Variants in SRPK2 observed in about 807,000 individuals in gnomAD.
SRPK2 encodes SRSF protein kinase 2.
In SRPK2, 21 loss-of-function variants were observed where a neutral mutation model predicts 90.8. That is an observed-to-expected ratio of 0.23 (90% CI 0.16 to 0.33). The LOEUF is 0.33. SRPK2 is among the 10% of genes least tolerant of loss of function. The pLI, the probability that SRPK2 is intolerant of heterozygous loss-of-function variation, is 1.00. For synonymous variants in SRPK2, 288 were observed against 311.1 expected (o/e 0.93, Z 0.78); for missense variants, 620 against 869.0 (o/e 0.71, Z 3.60).
chr7:105,289,866 G>A (rs779918568), intron 2 of SRPK2, among the ~76,000 whole-genome samples: 1 of 152,146 alleles, frequency 6.6e-6, no homozygotes, highest in Non-Finnish European at 1.5e-5. Context: ...TTTAAAGTGT[G>A]AGATGTGTAA....
At chr7:105,358,948 A>G (rs1035078746) in intron 2 of SRPK2, among the ~76,000 whole-genome samples, 1 of 151,700 alleles carries the variant, frequency 6.6e-6, no homozygotes, top group Admixed American at 6.6e-5. Context: ...AGAGAGAGAG[A>G]AAGCAAGAGT....
intron 2 of SRPK2, among the ~76,000 whole-genome samples, chr7:105,303,161 G>C (rs1047389752): frequency 5.3e-5 from 8 of 152,176 alleles, no homozygotes; most frequent in African/African-American, 1.7e-4. Context: ...CATGTCCCTT[G>C]TAGGGACATG....
intron 2 of SRPK2, among the ~76,000 whole-genome samples, chr7:105,379,235 AC>A (rs953318250): frequency 6.6e-5 from 10 of 151,996 alleles, no homozygotes; most frequent in Non-Finnish European, 1.3e-4. Context: ...TGAATCAAAA[AC>A]AATCAAAAGT....
intron 7 of SRPK2, among the ~76,000 whole-genome samples, chr7:105,148,019 C>T (rs117923580): frequency 1.3e-5 from 2 of 152,230 alleles, no homozygotes; most frequent in Non-Finnish European, 2.9e-5. Context: ...GAGGTATATA[C>T]CTAGGAGTTA....
At chr7:105,266,397 T>C (rs1345735955) in intron 2 of SRPK2, among the ~76,000 whole-genome samples, 1 of 152,146 alleles carries the variant, frequency 6.6e-6, no homozygotes, top group Admixed American at 6.6e-5. Context: ...TTATATTTTG[T>C]ATTTAGAGGT....
chr7:105,291,189 T>C (rs1808967134), intron 2 of SRPK2, among the ~76,000 whole-genome samples: 1 of 151,868 alleles, frequency 6.6e-6, no homozygotes, highest in South Asian at 2.1e-4. Flanking sequence ...TGGTAAGAAA[T>C]GAAGCCAGAG....
intron 13 of SRPK2, 125 bp from the exon 14 acceptor site, chr7:105,127,187 A>G (rs1801329757): frequency 1.3e-6 from 1 of 758,558 alleles, no homozygotes. Flanking sequence ...GCCTCCTGAA[A>G]GTGCTCAATA....
At chr7:105,205,537 A>T (rs905849177) in intron 2 of SRPK2, among the ~76,000 whole-genome samples, 39 of 135,622 alleles carry the variant, frequency 2.9e-4, no homozygotes, top group Admixed American at 4.9e-4. Flanking sequence ...ACACACACAC[A>T]CACACACACA....
chr7:105,160,486 G>C, intron 7 of SRPK2, 21 bp downstream of exon 7: 1 of 1,475,128 alleles, frequency 6.8e-7, no homozygotes, highest in South Asian at 1.1e-5. Flanking sequence ...AGGGCCTAGG[G>C]GCTGCCGTCA....
At chr7:105,301,378 T>C (rs1328780358) in intron 2 of SRPK2, 2 of 603,600 alleles carry the variant, frequency 3.3e-6, no homozygotes, top group Non-Finnish European at 5.9e-6. Flanking sequence ...CACGCACGAT[T>C]GGCACCTGCC....
At position 105,191,277 on chromosome 7, in the gene SRPK2, T is replaced by C. The variant is rs74375143; in HGVS notation, c.229+12351A>G. Among the ~76,000 whole-genome samples, 32 of 152,246 alleles carry C rather than the reference T, an allele frequency of 2.1e-4. No individual in the cohort carries two copies. In the East Asian group the frequency reaches 6.0e-3, roughly 28 times the overall value. On this transcript the variant is annotated intron_variant, in intron 3 of 15. Transcript: ENST00000393651. ...AGGGAGACCCCGTCTCTATCAACATTTTTAAAATCCGCCAGGCATGGTGAC... is the reference window on the plus strand; with the variant it reads ...AGGGAGACCCCGTCTCTATCAACATCTTTAAAATCCGCCAGGCATGGTGAC...
upstream of SRPK2, among the ~76,000 whole-genome samples, chr7:105,390,572 G>T (rs936208987): frequency 1.1e-4 from 16 of 150,326 alleles, no homozygotes; most frequent in Admixed American, 9.3e-4. Context: ...GGGATTACAG[G>T]CATACACCAC....
At chr7:105,204,248 A>G (rs534577301) in intron 2 of SRPK2, among the ~76,000 whole-genome samples, 2 of 152,368 alleles carry the variant, frequency 1.3e-5, no homozygotes, top group East Asian at 3.9e-4. Context: ...TTCTTTTCCC[A>G]TAGAAATAGG....
At chr7:105,199,659 A>T (rs577484419) in intron 3 of SRPK2, among the ~76,000 whole-genome samples, 6 of 152,204 alleles carry the variant, frequency 3.9e-5, no homozygotes, top group Non-Finnish European at 8.8e-5. Context: ...TCAGAGAAAG[A>T]AACCACAAAG....
upstream of SRPK2, among the ~76,000 whole-genome samples, chr7:105,393,765 A>G (rs552004622): frequency 3.9e-5 from 6 of 152,118 alleles, no homozygotes; most frequent in South Asian, 1.2e-3. Context: ...CCACAATCTC[A>G]TTTTAAAACA....
chr7:105,167,485 G>C, intron 5 of SRPK2, 21 bp from the exon 6 acceptor site: 2 of 1,591,698 alleles, frequency 1.3e-6, no homozygotes, highest in South Asian at 2.2e-5. Context: ...AAAAATGAAT[G>C]CAAGAACACA....
At chr7:105,252,714 T>C (rs999963215) in intron 2 of SRPK2, among the ~76,000 whole-genome samples, 2 of 151,540 alleles carry the variant, frequency 1.3e-5, no homozygotes, top group African/African-American at 4.9e-5. Flanking sequence ...TAGTGAAACA[T>C]TCCAATTATC....
At chr7:105,296,013 G>C (rs1809767302) in intron 2 of SRPK2, among the ~76,000 whole-genome samples, 1 of 152,112 alleles carries the variant, frequency 6.6e-6, no homozygotes, top group Non-Finnish European at 1.5e-5. Context: ...AGAAAAGTGT[G>C]GGGTTAAACT....
At chr7:105,231,572 C>T (rs1324753372) in intron 2 of SRPK2, among the ~76,000 whole-genome samples, 1 of 152,168 alleles carries the variant, frequency 6.6e-6, no homozygotes, top group Non-Finnish European at 1.5e-5. Flanking sequence ...ATCTCGCCAG[C>T]ATCTGTTATT....
Sources: allele counts gnomAD v4.1 joint callset (sites outside exome capture counted in the v4.1 genomes callset), GRCh38; gene constraint gnomAD v4.1.1; transcripts MANE v1.5; gene names NCBI Gene and HGNC (gene_info 2026-07-23, HGNC 2026-07-21).